Variants in RAD9A observed in about 807,000 individuals in gnomAD.
The protein encoded by RAD9A is RAD9 checkpoint clamp component A, also known as cell cycle checkpoint control protein RAD9A.
Under a neutral mutation model 41.2 loss-of-function variants are expected in RAD9A, and 25 were observed. The observed-to-expected ratio is 0.61, with a 90% CI of 0.44 to 0.85. The LOEUF is 0.85. Ranked by LOEUF, RAD9A falls within the 40% of genes least tolerant of loss-of-function variation. The pLI is 0.00. For synonymous variants in RAD9A, 252 were observed against 210.6 expected (o/e 1.20, Z -1.70); for missense variants, 514 against 518.3 (o/e 0.99, Z 0.08).
chr11:67,396,047 G>T (rs777255784), intron 7 of RAD9A, 26 bp downstream of exon 7: 1 of 1,613,532 alleles, frequency 6.2e-7, no homozygotes, highest in Non-Finnish European at 8.5e-7. Context: ...GGCGCTCGCC[G>T]TCCTGTCCTC....
At chr11:67,396,943 C>T (rs191389624) in intron 9 of RAD9A, among the ~76,000 whole-genome samples, 4 of 152,306 alleles carry the variant, frequency 2.6e-5, no homozygotes, top group African/African-American at 7.2e-5. Flanking sequence ...AGGTAGCCCC[C>T]GGGATGCCTC....
chr11:67,393,594 G>A lies in RAD9A; in HGVS notation c.333G>A (p.Gln111=). 1 of 1,614,228 alleles carries A rather than the reference G, an allele frequency of 6.2e-7. No individual in the cohort carries two copies. The highest frequency in any genetic ancestry group is 8.5e-7 in the Non-Finnish European group (1 of 1,180,038). The part of the protein sequence containing the change: ...LNGRSSRLVV[Q]LHCKFGVRKT... ...GCCGGAGCAGCCGCCTGGTGGTCCA[G>A]CTGCATTGCAAGTTCGGTGAGTGGG... is the stretch of plus-strand genomic sequence containing the variant. Residue 111 remains glutamine (Q), a synonymous_variant, in exon 4 of 11, where the codon CAG becomes CAA. Coordinates refer to ENST00000307980, the MANE Select transcript of RAD9A (RefSeq NM_004584.3).
chr11:67,392,802 A>G lies in RAD9A; in HGVS notation c.234+20A>G. ...ATGAAGGTGAGGCCCTTCCCTCAGC[A>G]GTGGCACTACTCCACCCCAGGAATC... On this transcript the variant is annotated intron_variant, in intron 3 of 10. Coordinates refer to ENST00000307980, the MANE Select transcript of RAD9A (RefSeq NM_004584.3). 6.2e-7 allele frequency: 1 copy of G among 1,613,036 alleles called. No homozygotes were observed. The highest frequency in any genetic ancestry group is 8.5e-7 in the Non-Finnish European group (1 of 1,179,226).
Position 67,392,000 on chromosome 11 carries a change from C to T in RAD9A, c.-45C>T. The T allele has an allele frequency of 6.5e-7, 1 of 1,536,042 alleles. No homozygotes were observed. The highest frequency in any genetic ancestry group is 8.7e-7 in the Non-Finnish European group (1 of 1,143,372). On this transcript the variant is annotated 5_prime_UTR_variant, in exon 1 of 11. Coordinates refer to ENST00000307980, the MANE Select transcript of RAD9A (RefSeq NM_004584.3). ...GAAGGGACCCCGGACCCGGAGGTCGCGGAGAGCTGGGCAGTGTTGGCCGCT... is the reference window on the plus strand; with the variant it reads ...GAAGGGACCCCGGACCCGGAGGTCGTGGAGAGCTGGGCAGTGTTGGCCGCT...
At chr11:67,395,141 T>C (rs1005988752) in intron 5 of RAD9A, 4 of 152,648 alleles carry the variant, frequency 2.6e-5, no homozygotes, top group African/African-American at 9.7e-5. Context: ...GGTTTCACCA[T>C]GTTGGCCAAG....
At chr11:67,394,195 G>A (rs1351541021) in intron 5 of RAD9A, among the ~76,000 whole-genome samples, 1 of 152,290 alleles carries the variant, frequency 6.6e-6, no homozygotes, top group Non-Finnish European at 1.5e-5. Flanking sequence ...CCCCTTCTCC[G>A]GCCTGGGCAT....
rs1862755879 is a variant in RAD9A at position 67,397,680 on chromosome 11, C to T, written c.*121C>T. The stretch of plus-strand genomic sequence containing the variant: ...TGGGCTTGCTGGAGCTGAGCTGTTT[C>T]ACTGCCTCTCGCAGGCCCCAGCTGG... On this transcript the variant is annotated 3_prime_UTR_variant, in exon 11 of 11. Coordinates refer to ENST00000307980, the MANE Select transcript of RAD9A (RefSeq NM_004584.3). 1.1e-6 allele frequency: 1 copy of T among 927,720 alleles called. No homozygotes were observed. Among genetic ancestry groups the T allele is most frequent in the Non-Finnish European group, 1.6e-6 (1 of 627,098 alleles). The allele number at this position is 927,720 out of a possible 1,614,324, so 57.5% of individuals were successfully genotyped here. A position where few individuals can be genotyped will look rare whatever the true frequency, so the allele number is the denominator to read the frequency against.
rs17881026 is a variant in RAD9A at position 67,393,908 on chromosome 11, TCA to T, written c.449+119_449+120del. On this transcript the variant is annotated intron_variant, in intron 5 of 10. Transcript: ENST00000307980. The stretch of plus-strand genomic sequence containing the variant: ...TTTCCCTACAGAGTTTCTGTGAACC[TCA>T]AAGACATCCCATGGCCCGCTATGTG... 4,070 of 866,822 alleles carry T rather than the reference TCA, an allele frequency of 4.7e-3. 105 individuals carry two copies. In the African/African-American group the frequency reaches 0.062, roughly 13 times the overall value. The allele number at this position is 866,822 out of a possible 1,614,324, so 53.7% of individuals were successfully genotyped here.
chr11:67,394,280 G>A (rs1204489721), intron 5 of RAD9A, among the ~76,000 whole-genome samples: 1 of 152,236 alleles, frequency 6.6e-6, no homozygotes, highest in Non-Finnish European at 1.5e-5. Flanking sequence ...CCCAAGGCCA[G>A]GGCAGGAGGC....
intron 5 of RAD9A, 97 bp from the exon 6 acceptor site, chr11:67,395,619 C>T (rs2134953894): frequency 3.3e-6 from 3 of 905,326 alleles, no homozygotes; most frequent in South Asian, 1.6e-5. Flanking sequence ...CTGCGCACAT[C>T]CGTGCGTGTG....
At chr11:67,396,969 T>A (rs1230606155) in intron 9 of RAD9A, among the ~76,000 whole-genome samples, 1 of 152,160 alleles carries the variant, frequency 6.6e-6, no homozygotes, top group African/African-American at 2.4e-5. Flanking sequence ...GGCCCCTACC[T>A]GAATTCTGAT....
chr11:67,394,870 C>T (rs1862632665), intron 5 of RAD9A, among the ~76,000 whole-genome samples: 1 of 152,128 alleles, frequency 6.6e-6, no homozygotes, highest in Admixed American at 6.6e-5. Flanking sequence ...CCCGTCTCAG[C>T]CTCCCAAAGT....
chr11:67,397,352 C>T lies in RAD9A; in HGVS notation c.1046C>T (p.Pro349Leu). 6.2e-7 allele frequency: 1 copy of T among 1,602,580 alleles called. No individual in the cohort carries two copies. Among genetic ancestry groups the T allele is most frequent in the Non-Finnish European group, 8.5e-7 (1 of 1,174,024 alleles). ...PHSEEEDEAEPSTVPGTPPPK... is the reference protein window; with the variant it reads ...PHSEEEDEAELSTVPGTPPPK... ...TCCGAGGAGGAAGATGAGGCTGAGCCCAGTACAGTGCCTGGGACTCCCCCA... is the reference window on the plus strand; with the variant it reads ...TCCGAGGAGGAAGATGAGGCTGAGCTCAGTACAGTGCCTGGGACTCCCCCA... The change falls in exon 10 of 11, where the codon CCC becomes CTC. Residue 349 changes from proline to leucine, a missense_variant. Pro to Leu is a moderately conservative substitution (Grantham distance 98). Coordinates refer to ENST00000307980, the MANE Select transcript of RAD9A (RefSeq NM_004584.3).
At chr11:67,394,546 T>A (rs1234279106) in intron 5 of RAD9A, among the ~76,000 whole-genome samples, 1 of 152,208 alleles carries the variant, frequency 6.6e-6, no homozygotes, top group African/African-American at 2.4e-5. Flanking sequence ...CCAGGTTCTT[T>A]TGAGCCAGCA....
chr11:67,395,881 G>A, intron 6 of RAD9A, 31 bp from the exon 7 acceptor site: 2 of 1,612,986 alleles, frequency 1.2e-6, no homozygotes, highest in Non-Finnish European at 1.7e-6. Flanking sequence ...AGAGGGGCGG[G>A]GCCCAGGTTA....
chr11:67,397,486 C>A lies in RAD9A; in HGVS notation c.1103C>A (p.Ser368Tyr). The change falls in exon 11 of 11, where the codon TCC becomes TAC. Residue 368 changes from serine to tyrosine, a missense_variant. Ser to Tyr is a moderately radical substitution (Grantham distance 144). Around this residue, in one of 3 missense-constraint regions of RAD9A, gnomAD observed 216 missense variants for 184.2 expected, o/e 1.17. Transcript: ENST00000307980. ...PKKFRSLFFG[S>Y]ILAPVRSPQG... ...CAGTTCCGCTCACTGTTCTTCGGCT[C>A]CATCCTGGCCCCTGTACGCTCCCCC... 2 of 1,612,262 alleles carry A rather than the reference C, an allele frequency of 1.2e-6. No individual in the cohort carries two copies. Among genetic ancestry groups the A allele is most frequent in the Non-Finnish European group, 1.7e-6 (2 of 1,178,764 alleles).
chr11:67,397,665 G>A lies in RAD9A; in HGVS notation c.*106G>A, dbSNP rs1862755538. The A allele has an allele frequency of 9.4e-7, 1 of 1,065,496 alleles. No individual in the cohort carries two copies. Among genetic ancestry groups the A allele is most frequent in the Admixed American group, 2.6e-5 (1 of 38,940 alleles). 66.0% of individuals were successfully genotyped at this position (1,065,496 alleles called of 1,614,324 possible). The stretch of plus-strand genomic sequence containing the variant: ...TGGGGATCAGAAAGGTGGGCTTGCT[G>A]GAGCTGAGCTGTTTCACTGCCTCTC... On this transcript the variant is annotated 3_prime_UTR_variant, in exon 11 of 11. Coordinates refer to ENST00000307980, the MANE Select transcript of RAD9A (RefSeq NM_004584.3).
In RAD9A at chr11:67,398,073, G is replaced by A. The variant is rs1178043205; in HGVS notation, c.*514G>A. Reference sequence around the variant, plus strand: ...TTGGAATTCTAAGAGCCTTGGACCCGAGTGTGTGGCTAGGGTTGCCCTGGC... The same window carrying A: ...TTGGAATTCTAAGAGCCTTGGACCCAAGTGTGTGGCTAGGGTTGCCCTGGC... On this transcript the variant is annotated 3_prime_UTR_variant, in exon 11 of 11. Coordinates refer to ENST00000307980, the MANE Select transcript of RAD9A (RefSeq NM_004584.3). 3 of 204,688 alleles carry A rather than the reference G, an allele frequency of 1.5e-5. No individual in the cohort carries two copies. Among genetic ancestry groups the A allele is most frequent in the South Asian group, 1.7e-4 (2 of 12,102 alleles). The allele number at this position is 204,688 out of a possible 1,614,324, so 12.7% of individuals were successfully genotyped here.
chr11:67,393,423 T>C (rs1208439032), intron 3 of RAD9A, 73 bp from the exon 4 acceptor site: 2 of 1,570,326 alleles, frequency 1.3e-6, no homozygotes, highest in South Asian at 2.3e-5. Flanking sequence ...CCATGATGGG[T>C]GTGGGCCTGC....
Sources: allele counts gnomAD v4.1 joint callset (sites outside exome capture counted in the v4.1 genomes callset), GRCh38; gene constraint gnomAD v4.1.1; regional missense constraint gnomAD v4.1.1; transcripts MANE v1.5; gene names NCBI Gene and HGNC (gene_info 2026-07-23, HGNC 2026-07-21).